The following HAVCR1 variants were observed in gnomAD, a reference collection of about 807,000 sequenced individuals.
HAVCR1 encodes the protein T cell immunoglobin domain and mucin domain protein 1.
In HAVCR1, 34 loss-of-function variants were observed where a neutral mutation model predicts 32.0. That is an observed-to-expected ratio of 1.06 (90% CI 0.81 to 1.42). The LOEUF (loss-of-function observed/expected upper bound fraction) is 1.42. Among genes scored for constraint, HAVCR1 ranks in the 40% most tolerant of loss-of-function variants. The pLI, the probability that HAVCR1 is intolerant of heterozygous loss-of-function variation, is 0.00. For missense variants in HAVCR1, 420 were observed against 442.3 expected, an observed-to-expected ratio of 0.95 and a Z score of 0.45; for synonymous variants, 178 against 170.3, an observed-to-expected ratio of 1.05 and a Z score of -0.35.
At chr5:157,044,468 AAAGGAAGGAAGGAAGG>A (rs201451883) in intron 5 of HAVCR1, among the ~76,000 whole-genome samples, 1,208 of 62,642 alleles carry the variant, frequency 0.019, 81 homozygotes, top group East Asian at 0.052. Context: ...AGAAAGAAAG[AAAGGAAGGAAGGAAGG>A]AAGGAAGGAA....
chr5:157,046,239 A>G (rs1001320290), intron 5 of HAVCR1, among the ~76,000 whole-genome samples: 8 of 152,176 alleles, frequency 5.3e-5, no homozygotes, highest in African/African-American at 1.9e-4. Context: ...AATGAGTCAT[A>G]CACACAAGGA....
intron 6 of HAVCR1, 79 bp downstream of exon 6, chr5:157,042,548 C>A: frequency 2.4e-6 from 2 of 839,136 alleles, no homozygotes; most frequent in Non-Finnish European, 3.9e-6. Context: ...GTCTTACAGA[C>A]ATAGTCTTTA....
rs375307674 is a variant in HAVCR1 at position 157,032,875 on chromosome 5, T to C, written c.965A>G (p.Lys322Arg). ...GVIIAKKYFFKKEVQQLSVSF... is the reference protein window; with the variant it reads ...GVIIAKKYFFRKEVQQLSVSF... ...TTACCTTAGTTGTTGAACCTCCTTT[T>C]TGAAGAAATACTCTAAATTGAAGGG... Residue 322 changes from lysine (K) to arginine (R), a missense_variant, in exon 8 of 9, where the codon AAA becomes AGA. Coordinates refer to ENST00000523175, the MANE Select transcript of HAVCR1 (RefSeq NM_001173393.3). The C allele has an allele frequency of 8.1e-5, 128 of 1,577,382 alleles. No homozygotes were observed. Among genetic ancestry groups the C allele is most frequent in the Non-Finnish European group, 9.9e-5 (114 of 1,151,072 alleles).
At chr5:157,034,090 T>A (rs936360890) in intron 7 of HAVCR1, among the ~76,000 whole-genome samples, 1 of 152,046 alleles carries the variant, frequency 6.6e-6, no homozygotes, top group African/African-American at 2.4e-5. Flanking sequence ...AGAGACAAAG[T>A]ATAGAGAAAG....
intron 7 of HAVCR1, among the ~76,000 whole-genome samples, chr5:157,033,582 G>A (rs1173041972): frequency 3.1e-4 from 45 of 145,294 alleles, no homozygotes; most frequent in Admixed American, 2.6e-3. Flanking sequence ...GGGGGCGGGG[G>A]CGGGTGGGGG....
At chr5:157,033,607 A>C (rs1323017002) in intron 7 of HAVCR1, among the ~76,000 whole-genome samples, 1 of 151,760 alleles carries the variant, frequency 6.6e-6, no homozygotes, top group Non-Finnish European at 1.5e-5. Context: ...GGGGGAACTG[A>C]TGCACATCAC....
chr5:157,052,255 G>T, intron 4 of HAVCR1, 106 bp downstream of exon 4: 1 of 980,752 alleles, frequency 1.0e-6, no homozygotes, highest in Non-Finnish European at 1.6e-6. Flanking sequence ...TGAAACCCAG[G>T]TAAGACCCCT....
intron 5 of HAVCR1, 125 bp downstream of exon 5, chr5:157,048,913 G>T (rs1755574676): frequency 6.0e-6 from 4 of 662,506 alleles, no homozygotes; most frequent in Non-Finnish European, 1.1e-5. Flanking sequence ...CAAGTCAAAT[G>T]ACTGATCTGT....
upstream of HAVCR1, among the ~76,000 whole-genome samples, chr5:157,062,224 T>G (rs1756505305): frequency 6.6e-6 from 1 of 152,068 alleles, no homozygotes; most frequent in Admixed American, 6.6e-5. Flanking sequence ...ATTCAGAACA[T>G]GGGCCGGGCA....
chr5:157,059,302 G>A (rs1173577945), upstream of HAVCR1, among the ~76,000 whole-genome samples: 2 of 152,206 alleles, frequency 1.3e-5, no homozygotes, highest in African/African-American at 4.8e-5. Flanking sequence ...GGCAGTGGTG[G>A]TCTGTATCTT....
At chr5:157,055,132 A>C in intron 3 of HAVCR1, 69 bp downstream of exon 3, 7 of 839,504 alleles carry the variant, frequency 8.3e-6, no homozygotes, top group Middle Eastern at 2.3e-4. Context: ...TTCCCTATTA[A>C]GAAAAAAGAA....
the HAVCR1 span, among the ~76,000 whole-genome samples, chr5:157,068,939 A>G: frequency 3.3e-5 from 5 of 152,144 alleles, no homozygotes; most frequent in Non-Finnish European, 7.4e-5. Context: ...TTATAAAACT[A>G]CTAACAGAGC....
rs146860788 is a variant in HAVCR1 at position 157,033,224 on chromosome 5, G to C, written c.953-337C>G. On this transcript the variant is annotated intron_variant, in intron 7 of 8. Transcript: ENST00000523175. ...CTACTGAACAACAGGCGTCAACCAAGATTTGTTTTAGATGAACTGGGTCAT... is the reference window on the plus strand; with the variant it reads ...CTACTGAACAACAGGCGTCAACCAACATTTGTTTTAGATGAACTGGGTCAT... Among the ~76,000 whole-genome samples the C allele has an allele frequency of 3.6e-3, 552 of 152,116 alleles. 1 individual carries two copies. Among genetic ancestry groups the C allele is most frequent in the Non-Finnish European group, 5.3e-3 (359 of 67,990 alleles).
At chr5:157,044,615 G>GAAAGAAAA (rs760337335) in intron 5 of HAVCR1, among the ~76,000 whole-genome samples, 44 of 52,710 alleles carry the variant, frequency 8.3e-4, no homozygotes, top group African/African-American at 2.3e-3. Flanking sequence ...AAGAAAGAAA[G>GAAAGAAAA]AGAAAGAAAG....
upstream of HAVCR1, among the ~76,000 whole-genome samples, chr5:157,060,913 T>TC (rs1286578286): frequency 3.3e-5 from 5 of 151,772 alleles, no homozygotes; most frequent in Non-Finnish European, 7.4e-5. Context: ...TTTTTTTTTT[T>TC]CCAAGACAGA....
chr5:157,058,001 T>C, intron 1 of HAVCR1, 46 bp from the exon 2 acceptor site: 2 of 1,289,116 alleles, frequency 1.6e-6, no homozygotes, highest in Non-Finnish European at 2.3e-6. Flanking sequence ...CTCCACCAGA[T>C]GGTATCTGAT....
rs61734035 is a variant in HAVCR1, at chr5:157,052,513, G to T, written c.521C>A (p.Thr174Lys). ...TTVPTTMSIP[T>K]TTTVLTTMTV... is the part of the protein sequence containing the mutation. Reference sequence around the variant, plus strand: ...CATTGTCGTCAGAACAGTCGTTGTCGTTGGAATGCTCATTGTTGTTGGAAC... The same window carrying T: ...CATTGTCGTCAGAACAGTCGTTGTCTTTGGAATGCTCATTGTTGTTGGAAC... The change falls in exon 4 of 9, where the codon ACG (threonine) becomes AAG (lysine). Residue 174 changes from threonine to lysine, a missense_variant. Thr to Lys is a moderately conservative substitution (Grantham distance 78). Coordinates refer to ENST00000523175, the MANE Select transcript of HAVCR1 (RefSeq NM_001173393.3). 1.4e-3 allele frequency: 2,217 copies of T among 1,601,460 alleles called. 1 individual carries two copies. The highest frequency in any genetic ancestry group is 1.8e-3 in the Non-Finnish European group (2,116 of 1,172,128).
intron 2 of HAVCR1, among the ~76,000 whole-genome samples, chr5:157,056,701 T>C (rs1756177373): frequency 6.6e-6 from 1 of 152,056 alleles, no homozygotes; most frequent in Non-Finnish European, 1.5e-5. Context: ...CTTGTTTAAT[T>C]TTGCCTAATA....
intron 5 of HAVCR1, among the ~76,000 whole-genome samples, chr5:157,046,047 G>C (rs537117053): frequency 2.8e-4 from 42 of 152,106 alleles, no homozygotes; most frequent in Non-Finnish European, 5.0e-4. Context: ...GAAACAGTTT[G>C]CGCTGAGGAT....
Sources: gnomAD v4.1 joint callset for allele counts (sites outside exome capture counted in the v4.1 genomes callset) on GRCh38, gnomAD v4.1.1 for gene constraint, MANE v1.5 for transcripts, NCBI Gene and HGNC (gene_info 2026-07-23, HGNC 2026-07-21) for gene names.